ZNF704: variants seen among roughly 807,000 people sequenced by gnomAD.
ZNF704 encodes the protein zinc finger protein 704.
In ZNF704, 10 loss-of-function variants were observed where a neutral mutation model predicts 44.7. The ratio of observed to expected loss-of-function variants is 0.22; its 90% CI spans 0.14 to 0.38. ZNF704 has a LOEUF of 0.38. Ranked by LOEUF, ZNF704 falls within the 10% of genes least tolerant of loss-of-function variation. The probability of loss-of-function intolerance (pLI) is 1.00; values close to 1 mark genes in which losing one functional copy is unlikely to be tolerated. For synonymous variants in ZNF704, 211 were observed against 207.6 expected (o/e 1.02, Z -0.14); for missense variants, 390 against 545.5 (o/e 0.71, Z 2.84).
chr8:80,718,344 G>C (rs1271597191), intron 2 of ZNF704, among the ~76,000 whole-genome samples: 1 of 151,566 alleles, frequency 6.6e-6, no homozygotes, highest in Non-Finnish European at 1.5e-5. Flanking sequence ...ACTGTGGAAG[G>C]CTAAATCATT....
chr8:80,786,982 G>A lies in ZNF704; in HGVS notation c.221+34392C>T, dbSNP rs188546111. ...AAGTCCGTGTTAGTTGTTAAATATG[G>A]TAGTAAAATATACTAAAGCACAGAA... is the stretch of plus-strand genomic sequence containing the variant. On this transcript the variant is annotated intron_variant, in intron 2 of 8. Transcript: ENST00000327835. Among the ~76,000 whole-genome samples the A allele has an allele frequency of 6.6e-5, 10 of 152,292 alleles. No individual in the cohort carries two copies. The East Asian group carries it at 1.9e-3, about 29-fold the overall frequency.
intron 2 of ZNF704, among the ~76,000 whole-genome samples, chr8:80,719,210 A>T (rs1215719407): frequency 2.0e-5 from 3 of 152,090 alleles, no homozygotes; most frequent in Non-Finnish European, 2.9e-5. Context: ...TCCTGGGCTT[A>T]AATGATCCTC....
intron 2 of ZNF704, among the ~76,000 whole-genome samples, chr8:80,724,523 C>T (rs1311106440): frequency 2.0e-5 from 3 of 152,158 alleles, no homozygotes; most frequent in East Asian, 1.9e-4. Context: ...CTTTAACTCT[C>T]GATACTCACG....
At chr8:80,758,143 G>T (rs76862858) in intron 2 of ZNF704, among the ~76,000 whole-genome samples, 1,798 of 152,274 alleles carry the variant, frequency 0.012, 15 homozygotes, top group Middle Eastern at 0.02. Flanking sequence ...CACTGTCATC[G>T]GAAGTATTTC....
chr8:80,814,102 A>C (rs1038185717), intron 2 of ZNF704: 1 of 152,164 alleles, frequency 6.6e-6, no homozygotes, highest in Non-Finnish European at 1.5e-5. Flanking sequence ...AACAACAAAC[A>C]AAAACCTACC....
Position 80,638,705 on chromosome 8 carries a change from G to C in ZNF704, c.*2661C>G, listed in dbSNP as rs1031997814. 1.3e-5 allele frequency: 2 copies of C among 152,180 alleles called. No individual in the cohort carries two copies. Among genetic ancestry groups the C allele is most frequent in the Non-Finnish European group, 2.9e-5 (2 of 68,060 alleles). 9.4% of individuals were successfully genotyped at this position (152,180 alleles called of 1,614,324 possible). ...TTCAAGACCAGCCACCTGTGGCTTG[G>C]TGGTCTACTAGTTATTCCACGCCTT... is the stretch of plus-strand genomic sequence containing the variant. On this transcript the variant is annotated 3_prime_UTR_variant, in exon 9 of 9. Coordinates refer to ENST00000327835, the MANE Select transcript of ZNF704 (RefSeq NM_001033723.3).
At chr8:80,663,244 G>T (rs1818129516) in intron 6 of ZNF704, among the ~76,000 whole-genome samples, 1 of 151,888 alleles carries the variant, frequency 6.6e-6, no homozygotes, top group Admixed American at 6.6e-5. Context: ...AGCTGGATGT[G>T]GTAGTGCACA....
rs1378579483 is a variant in ZNF704, at chr8:80,698,233, T to C, written c.222-5126A>G. ...AATCAAACACACACACAAATAAACA[T>C]AAACTTACAAATGTGATAAATGCCA... On this transcript the variant is annotated intron_variant, in intron 2 of 8. Coordinates refer to ENST00000327835, the MANE Select transcript of ZNF704 (RefSeq NM_001033723.3). 2.0e-5 allele frequency among the ~76,000 whole-genome samples: 3 copies of C among 152,076 alleles called. No individual in the cohort carries two copies. In the East Asian group the frequency reaches 5.8e-4, roughly 29 times the overall value.
chr8:80,691,581 C>A (rs1261981393), intron 3 of ZNF704, among the ~76,000 whole-genome samples: 1 of 152,054 alleles, frequency 6.6e-6, no homozygotes, highest in Non-Finnish European at 1.5e-5. Context: ...AGCTTCACTG[C>A]TTCCTTCCTC....
chr8:80,649,567 C>G (rs1817882655), intron 7 of ZNF704, among the ~76,000 whole-genome samples: 1 of 152,206 alleles, frequency 6.6e-6, no homozygotes, highest in Admixed American at 6.5e-5. Context: ...TCACTCATTG[C>G]TACCACAGCA....
intron 7 of ZNF704, among the ~76,000 whole-genome samples, chr8:80,656,380 G>A (rs1031830777): frequency 6.6e-6 from 1 of 152,176 alleles, no homozygotes; most frequent in Non-Finnish European, 1.5e-5. Flanking sequence ...GTCTTGAGCT[G>A]ATTAATAAAG....
At chr8:80,881,016 C>T in the ZNF704 span, among the ~76,000 whole-genome samples, 1 of 152,214 alleles carries the variant, frequency 6.6e-6, no homozygotes, top group East Asian at 1.9e-4. Flanking sequence ...TATTCTGCTG[C>T]AGTATCTGTC....
At chr8:80,652,722 C>T (rs1222176746) in intron 7 of ZNF704, among the ~76,000 whole-genome samples, 1 of 152,136 alleles carries the variant, frequency 6.6e-6, no homozygotes, top group Non-Finnish European at 1.5e-5. Context: ...GATTCACAGC[C>T]AAATTCTACC....
upstream of ZNF704, among the ~76,000 whole-genome samples, chr8:80,875,162 G>T (rs576730777): frequency 3.3e-5 from 5 of 152,268 alleles, no homozygotes; most frequent in African/African-American, 1.2e-4. Context: ...ACCAAATCTG[G>T]AAATCAAGCA....
intron 4 of ZNF704, 58 bp downstream of exon 4, chr8:80,687,168 G>A (rs984077555): frequency 1.3e-6 from 2 of 1,492,150 alleles, no homozygotes; most frequent in Admixed American, 1.8e-5. Flanking sequence ...CCCTTCAGAG[G>A]GGACAGAAAG....
intron 3 of ZNF704, among the ~76,000 whole-genome samples, chr8:80,692,783 G>C (rs1818661044): frequency 6.6e-6 from 1 of 152,170 alleles, no homozygotes; most frequent in African/African-American, 2.4e-5. Flanking sequence ...AAAGTGAGTT[G>C]AATGGAGGGA....
At chr8:80,654,280 A>G (rs1159387239) in intron 7 of ZNF704, among the ~76,000 whole-genome samples, 24 of 152,318 alleles carry the variant, frequency 1.6e-4, no homozygotes, top group African/African-American at 4.6e-4. Context: ...ATAGGCATGG[A>G]CAAGGACTTC....
intron 7 of ZNF704, among the ~76,000 whole-genome samples, chr8:80,647,464 AAAGT>A (rs200297308): frequency 0.038 from 5,782 of 152,228 alleles, 349 homozygotes; most frequent in African/African-American, 0.13. Flanking sequence ...AGTGTTTTTA[AAAGT>A]AAGACATCTG....
At chr8:80,703,871 G>T (rs1004975752) in intron 2 of ZNF704, among the ~76,000 whole-genome samples, 7 of 152,194 alleles carry the variant, frequency 4.6e-5, no homozygotes, top group African/African-American at 1.7e-4. Context: ...CATAGAACAC[G>T]TATCTGAAAA....
Sources: allele counts gnomAD v4.1 joint callset (sites outside exome capture counted in the v4.1 genomes callset), GRCh38; gene constraint gnomAD v4.1.1; transcripts MANE v1.5; gene names NCBI Gene and HGNC (gene_info 2026-07-23, HGNC 2026-07-21).